Variants in ROBO2 observed in about 807,000 individuals in gnomAD.
The protein encoded by ROBO2 is roundabout homolog 2.
A neutral mutation model predicts 160.8 loss-of-function variants in ROBO2; 53 were observed. The ratio of observed to expected loss-of-function variants is 0.33; its 90% CI spans 0.26 to 0.41. ROBO2 has a LOEUF of 0.41. Ranked by LOEUF, ROBO2 falls within the 10% of genes least tolerant of loss-of-function variation. The pLI, the probability that ROBO2 is intolerant of heterozygous loss-of-function variation, is 1.00. For missense variants in ROBO2, 1,577 were observed against 1,722.4 expected (o/e 0.92, Z 1.49); for synonymous variants, 664 against 611.7 (o/e 1.09, Z -1.26).
intron 2 of ROBO2, among the ~76,000 whole-genome samples, chr3:76,021,019 C>T: frequency 6.6e-6 from 1 of 151,806 alleles, no homozygotes; most frequent in African/African-American, 2.4e-5. Context: ...CTCTCTCTCT[C>T]TTTCTTCATC....
At chr3:76,098,020 A>G (rs1272634756) in intron 2 of ROBO2, among the ~76,000 whole-genome samples, 1 of 152,130 alleles carries the variant, frequency 6.6e-6, no homozygotes, top group Non-Finnish European at 1.5e-5. Flanking sequence ...TTTTTTTGCC[A>G]TAGTGAGCTC....
chr3:77,381,915 T>C (rs2073524469), intron 2 of ROBO2, among the ~76,000 whole-genome samples: 1 of 152,174 alleles, frequency 6.6e-6, no homozygotes, highest in Non-Finnish European at 1.5e-5. Flanking sequence ...TATGTGAAAC[T>C]TGATGCCAAT....
intron 2 of ROBO2, among the ~76,000 whole-genome samples, chr3:77,461,914 C>A (rs7645242): frequency 6.6e-6 from 1 of 151,910 alleles, no homozygotes; most frequent in East Asian, 1.9e-4. Context: ...TTAGTAGAGA[C>A]GGGGTTTCAC....
intron 2 of ROBO2, among the ~76,000 whole-genome samples, chr3:77,409,930 G>A (rs1455780671): frequency 6.6e-6 from 1 of 152,138 alleles, no homozygotes; most frequent in Non-Finnish European, 1.5e-5. Flanking sequence ...GTCTACAGAT[G>A]TTCACATTTA....
chr3:76,690,006 A>AT (rs1384756568), intron 2 of ROBO2, among the ~76,000 whole-genome samples: 3 of 152,170 alleles, frequency 2.0e-5, no homozygotes, highest in Non-Finnish European at 4.4e-5. Context: ...ACAATAGGTG[A>AT]AATATAAGGT....
chr3:76,133,869 A>T (rs1324896080), intron 2 of ROBO2, among the ~76,000 whole-genome samples: 2 of 151,994 alleles, frequency 1.3e-5, no homozygotes, highest in Non-Finnish European at 2.9e-5. Context: ...CACTGACTCC[A>T]GTGTTAATCT....
At chr3:77,199,496 T>A (rs9826655) in intron 2 of ROBO2, among the ~76,000 whole-genome samples, 1 of 152,090 alleles carries the variant, frequency 6.6e-6, no homozygotes, top group African/African-American at 2.4e-5. Flanking sequence ...CTGTTTTTAT[T>A]ACAGGTTGAA....
chr3:76,515,391 C>T (rs183197493), intron 2 of ROBO2, among the ~76,000 whole-genome samples: 1 of 152,120 alleles, frequency 6.6e-6, no homozygotes, highest in Admixed American at 6.5e-5. Flanking sequence ...ATGTATATTT[C>T]CTTTTTTTCC....
chr3:76,480,132 C>T (rs2079134892), intron 2 of ROBO2, among the ~76,000 whole-genome samples: 1 of 152,138 alleles, frequency 6.6e-6, no homozygotes, highest in African/African-American at 2.4e-5. Flanking sequence ...TTTATTCCTA[C>T]AGATTGTGTC....
intron 2 of ROBO2, among the ~76,000 whole-genome samples, chr3:76,374,337 G>T (rs931148321): frequency 2.0e-5 from 3 of 151,878 alleles, no homozygotes; most frequent in African/African-American, 7.2e-5. Flanking sequence ...CCTGGGATCT[G>T]AATCCCTTTC....
intron 2 of ROBO2, among the ~76,000 whole-genome samples, chr3:77,010,819 C>G (rs925818123): frequency 6.7e-6 from 1 of 149,638 alleles, no homozygotes; most frequent in African/African-American, 2.4e-5. Flanking sequence ...TTTTCTTTCT[C>G]TCCTTCCTTC....
Position 77,498,537 on chromosome 3 carries a change from T to A in ROBO2, c.806+5155T>A, listed in dbSNP as rs537109093. 3.9e-5 allele frequency among the ~76,000 whole-genome samples: 6 copies of A among 152,272 alleles called. No homozygotes were observed. In the South Asian group the frequency reaches 1.2e-3, roughly 32 times the overall value. The stretch of plus-strand genomic sequence containing the variant: ...AGAGAGAATTTTCAGAGTTTTTAGT[T>A]CCATGAAATGTGAGATTTGCATAAG... On this transcript the variant is annotated intron_variant, in intron 5 of 25. Transcript: ENST00000461745.
chr3:76,241,787 A>T (rs759107622), intron 2 of ROBO2, among the ~76,000 whole-genome samples: 3 of 152,224 alleles, frequency 2.0e-5, no homozygotes, highest in Non-Finnish European at 2.9e-5. Context: ...ATACATTTCC[A>T]GGAGGAAAAA....
chr3:76,659,786 A>G (rs972852865), intron 2 of ROBO2, among the ~76,000 whole-genome samples: 2 of 152,178 alleles, frequency 1.3e-5, no homozygotes, highest in East Asian at 3.9e-4. Context: ...CAACTTTACC[A>G]CCACTGAGGG....
chr3:76,875,042 G>C (rs1410585108), intron 2 of ROBO2, among the ~76,000 whole-genome samples: 1 of 152,150 alleles, frequency 6.6e-6, no homozygotes, highest in Admixed American at 6.5e-5. Flanking sequence ...AAAAGAGGTG[G>C]GGCCTGAAGA....
chr3:77,277,196 CT>C (rs1279493217), intron 2 of ROBO2, among the ~76,000 whole-genome samples: 23 of 129,236 alleles, frequency 1.8e-4, no homozygotes, highest in Non-Finnish European at 3.2e-4. Context: ...TTCTTTCTTT[CT>C]TTCTTTCTTT....
At chr3:77,096,341 T>G (rs576500770) in intron 1 of ROBO2, among the ~76,000 whole-genome samples, 2 of 152,170 alleles carry the variant, frequency 1.3e-5, no homozygotes, top group Non-Finnish European at 2.9e-5. Flanking sequence ...TCATGAATAA[T>G]GGTAATTGAT....
chr3:76,394,321 G>C (rs1424090020), intron 2 of ROBO2, among the ~76,000 whole-genome samples: 3 of 152,040 alleles, frequency 2.0e-5, no homozygotes, highest in East Asian at 3.9e-4. Context: ...GGGCAGGCCT[G>C]GTGGTGACAA....
At chr3:76,870,494 C>A (rs555547098) in intron 2 of ROBO2, among the ~76,000 whole-genome samples, 10 of 152,212 alleles carry the variant, frequency 6.6e-5, no homozygotes, top group African/African-American at 2.4e-4. Context: ...GTAGTAAGCC[C>A]ATTTCCATGA....
Sources: allele counts gnomAD v4.1 joint callset (sites outside exome capture counted in the v4.1 genomes callset), GRCh38; gene constraint gnomAD v4.1.1; transcripts MANE v1.5; gene names NCBI Gene and HGNC (gene_info 2026-07-23, HGNC 2026-07-21).